Variants in DUSP8 observed in about 807,000 individuals in gnomAD.
DUSP8 encodes the protein dual specificity protein phosphatase 8.
In DUSP8, 15 loss-of-function variants were observed where a neutral mutation model predicts 38.7. That is an observed-to-expected ratio of 0.39 (90% CI 0.26 to 0.60). The LOEUF (loss-of-function observed/expected upper bound fraction) is 0.60, where lower values mean the gene tolerates loss of function less well. DUSP8 is among the 20% of genes least tolerant of loss of function. The pLI is 0.56. For missense variants in DUSP8, 768 were observed against 915.0 expected, an observed-to-expected ratio of 0.84 and a Z score of 2.07; for synonymous variants, 458 against 433.9, an observed-to-expected ratio of 1.06 and a Z score of -0.69.
intron 1 of DUSP8, among the ~76,000 whole-genome samples, chr11:1,567,220 GGCCCTGC>G (rs1394066683): frequency 6.6e-6 from 1 of 152,158 alleles, no homozygotes; most frequent in African/African-American, 2.4e-5. Context: ...ATGTACCCTG[GGCCCTGC>G]GCCCTGTGCA....
At chr11:1,560,403 G>C (rs192169969) in intron 3 of DUSP8, among the ~76,000 whole-genome samples, 1 of 152,256 alleles carries the variant, frequency 6.6e-6, no homozygotes, top group East Asian at 1.9e-4. Flanking sequence ...GTGGAGTAGA[G>C]CCACCCTGGA....
At position 1,554,411 on chromosome 11, in the gene DUSP8, G is replaced by A. The variant is rs1004605998; in HGVS notation, c.*2107C>T. On this transcript the variant is annotated 3_prime_UTR_variant, in exon 7 of 7. Transcript: ENST00000397374. ...GGAGGAGGCAGTGGCCAGGTGGGAG[G>A]GGCCGGAGAGAGGCTTGGAGAGGAC... The A allele has an allele frequency of 1.3e-5, 2 of 152,786 alleles. No individual in the cohort carries two copies. The highest frequency in any genetic ancestry group is 2.4e-5 in the African/African-American group (1 of 41,254). 9.5% of individuals were successfully genotyped at this position (152,786 alleles called of 1,614,324 possible).
rs1042401103 is a variant in DUSP8, at chr11:1,554,714, C to T, written c.*1804G>A. ...CAGCACAGGGGTGGGGGGCGAGAAG[C>T]GGGAAGCCAGTGCATCCTCCTCACC... is the stretch of plus-strand genomic sequence containing the variant. On this transcript the variant is annotated 3_prime_UTR_variant, in exon 7 of 7. Transcript: ENST00000397374. 2.0e-5 allele frequency: 14 copies of T among 713,864 alleles called. No homozygotes were observed. The highest frequency in any genetic ancestry group is 1.3e-4 in the East Asian group (1 of 7,562). 44.2% of individuals were successfully genotyped at this position (713,864 alleles called of 1,614,324 possible). A position where few individuals can be genotyped will look rare whatever the true frequency, so the allele number is the denominator to read the frequency against.
chr11:1,567,248 C>T (rs963921625), intron 1 of DUSP8, among the ~76,000 whole-genome samples: 18 of 152,174 alleles, frequency 1.2e-4, no homozygotes, highest in Admixed American at 8.5e-4. Flanking sequence ...AAGCGGGCTA[C>T]GGTGGGTAGC....
intron 2 of DUSP8, among the ~76,000 whole-genome samples, chr11:1,565,353 G>A (rs1410374839): frequency 1.3e-5 from 2 of 152,238 alleles, no homozygotes; most frequent in Non-Finnish European, 2.9e-5. Flanking sequence ...TGAGCAAGGA[G>A]GCCCTGGAGG....
Position 1,555,404 on chromosome 11 carries a change from CTG to C in DUSP8, c.*1112_*1113del, listed in dbSNP as rs2133424197. 1 of 986,822 alleles carries C rather than the reference CTG, an allele frequency of 1.0e-6. No individual in the cohort carries two copies. The highest frequency in any genetic ancestry group is 1.7e-5 in the African/African-American group (1 of 57,320). 61.1% of individuals were successfully genotyped at this position (986,822 alleles called of 1,614,324 possible). The stretch of plus-strand genomic sequence containing the variant: ...GGGGCTTGGCTGGCGCCTGAACTCC[CTG>C]TGTGAGCAGCACCTGCTCACAGAGC... On this transcript the variant is annotated 3_prime_UTR_variant, in exon 7 of 7. Transcript: ENST00000397374.
chr11:1,560,152 GC>G (rs1259336097), intron 3 of DUSP8, among the ~76,000 whole-genome samples: 2 of 152,114 alleles, frequency 1.3e-5, no homozygotes, highest in African/African-American at 4.8e-5. Context: ...CAGAACATAA[GC>G]CCCCATGGCA....
chr11:1,566,043 A>C, intron 1 of DUSP8, 109 bp from the exon 2 acceptor site: 3 of 556,038 alleles, frequency 5.4e-6, no homozygotes, highest in East Asian at 2.8e-5. Context: ...ACACACCAAC[A>C]TGTGCCCGTG....
intron 3 of DUSP8, among the ~76,000 whole-genome samples, chr11:1,562,191 G>C (rs1590803952): frequency 6.6e-6 from 1 of 152,130 alleles, no homozygotes; most frequent in South Asian, 2.1e-4. Flanking sequence ...GAGGGCCCCA[G>C]CCCCCCAAAC....
intron 3 of DUSP8, among the ~76,000 whole-genome samples, chr11:1,561,858 C>G (rs1456013740): frequency 1.3e-5 from 2 of 152,180 alleles, no homozygotes; most frequent in Non-Finnish European, 2.9e-5. Flanking sequence ...CTTCGCAGAG[C>G]CAGCCCAGAG....
intron 3 of DUSP8, among the ~76,000 whole-genome samples, chr11:1,563,213 C>T (rs757994412): frequency 9.2e-5 from 14 of 152,168 alleles, no homozygotes; most frequent in South Asian, 2.1e-4. Context: ...CAGCTCCGTC[C>T]GGCTCTGGGA....
rs759936905 is a variant in DUSP8 at position 1,565,765 on chromosome 11, C to T, written c.62G>A (p.Arg21Gln). Residue 21 changes from arginine (R) to glutamine (Q), a missense_variant, in exon 2 of 7, where the codon CGG becomes CAG. Arg to Gln is a conservative substitution (Grantham distance 43). Transcript: ENST00000397374. ...GACCAGCGGCCCCCCAGGCCCGCCC[C>T]GCAGCAGGCTGGCCAGCTTCTTGGC... ...MDAKKLASLL[R>Q]GGPGGPLVID... 7.4e-6 allele frequency: 12 copies of T among 1,611,464 alleles called. No homozygotes were observed. The highest frequency in any genetic ancestry group is 2.2e-5 in the South Asian group (2 of 91,028).
In DUSP8 at chr11:1,556,487, G is replaced by A. The variant is rs1359581240; in HGVS notation, c.*31C>T. On this transcript the variant is annotated 3_prime_UTR_variant, in exon 7 of 7. Transcript: ENST00000397374. The surrounding 1 kb of genome is among the most constrained non-coding windows in gnomAD (Gnocchi z 5.2). ...ATATACATTTATAACGGGCCTGGCTGCGGGCGGCGGGGCCGAGGGCAGCGG... is the reference window on the plus strand; with the variant it reads ...ATATACATTTATAACGGGCCTGGCTACGGGCGGCGGGGCCGAGGGCAGCGG... 11 of 1,232,620 alleles carry A rather than the reference G, an allele frequency of 8.9e-6. 1 individual carries two copies. The African/African-American group carries it at 9.3e-5, about 10-fold the overall frequency. 76.4% of individuals were successfully genotyped at this position (1,232,620 alleles called of 1,614,324 possible).
At position 1,557,015 on chromosome 11, in the gene DUSP8, C is replaced by A. The variant is rs923481587; in HGVS notation, c.1381G>T (p.Ala461Ser). 2 of 1,026,150 alleles carry A rather than the reference C, an allele frequency of 1.9e-6. No homozygotes were observed. Among genetic ancestry groups the A allele is most frequent in the Admixed American group, 5.8e-5 (1 of 17,284 alleles). 63.6% of individuals were successfully genotyped at this position (1,026,150 alleles called of 1,614,324 possible). A position where few individuals can be genotyped will look rare whatever the true frequency, so the allele number is the denominator to read the frequency against. Residue 461 changes from alanine to serine, a missense_variant, in exon 7 of 7, where the codon GCC becomes TCC. Coordinates refer to ENST00000397374, the MANE Select transcript of DUSP8 (RefSeq NM_004420.3). This position sits in a 1 kb window ranked among gnomAD's most constrained non-coding sequence, Gnocchi z 9.9. ...GCGGGGGAGCGCGCGGGGGAGCCGG[C>A]GGGGGGCCGGGGCCGCCGGCGGGGC... ...PRPRRRPRPP[A>S]GSPARSPAHS... is the part of the protein sequence containing the mutation.
At chr11:1,563,763 G>C (rs927530991) in intron 3 of DUSP8, 88 bp downstream of exon 3, 21 of 1,360,914 alleles carry the variant, frequency 1.5e-5, no homozygotes, top group Non-Finnish European at 3.9e-6. Flanking sequence ...CCCGTGCCCA[G>C]CGGACACCTC....
intron 3 of DUSP8, among the ~76,000 whole-genome samples, chr11:1,563,641 A>G (rs1848755163): frequency 6.6e-6 from 1 of 152,106 alleles, no homozygotes; most frequent in Non-Finnish European, 1.5e-5. Context: ...GCCCAGCTGT[A>G]CTGTGAGGTT....
At chr11:1,571,641 G>A (rs1848898971) in intron 1 of DUSP8, 1 of 152,336 alleles carries the variant, frequency 6.6e-6, no homozygotes, top group South Asian at 2.1e-4. Context: ...AGGAGCTGCG[G>A]GGAGAAGGGC....
rs1848654199 is a variant in DUSP8, at chr11:1,557,470, T to C, written c.926A>G (p.Asp309Gly). Residue 309 changes from aspartate to glycine, a missense_variant, in exon 7 of 7, where the codon GAC (aspartate) becomes GGC (glycine). By Grantham distance (94) the Asp-to-Gly change is moderately conservative (BLOSUM62 -1). This residue lies in a region of DUSP8 where 474 missense variants were observed against 430.8 expected (regional missense o/e 1.10). Transcript: ENST00000397374. The surrounding 1 kb of genome is among the most constrained non-coding windows in gnomAD (Gnocchi z 9.9). ...CGGCGTCCCTGAGGGGGTGCCCGGGTCGCCCTGCAGGGCGGCCAGCAGCTT... is the reference window on the plus strand; with the variant it reads ...CGGCGTCCCTGAGGGGGTGCCCGGGCCGCCCTGCAGGGCGGCCAGCAGCTT... ...SLKLLAALQG[D>G]PGTPSGTPEP... 6.4e-7 allele frequency: 1 copy of C among 1,563,808 alleles called. No individual in the cohort carries two copies. Among genetic ancestry groups the C allele is most frequent in the East Asian group, 2.3e-5 (1 of 43,518 alleles).
chr11:1,559,366 C>A, intron 3 of DUSP8: 1 of 310,832 alleles, frequency 3.2e-6, no homozygotes, highest in Non-Finnish European at 5.9e-6. Context: ...GGCTGGCCAT[C>A]ACGGCACGCG....
Sources: gnomAD v4.1 joint callset for allele counts (sites outside exome capture counted in the v4.1 genomes callset) on GRCh38, gnomAD v4.1.1 for gene constraint, gnomAD v4.1.1 regional missense constraint, Gnocchi (gnomAD v3.1) non-coding constraint, MANE v1.5 for transcripts, NCBI Gene and HGNC (gene_info 2026-07-23, HGNC 2026-07-21) for gene names.